The following PIR variants were observed in gnomAD, a reference collection of about 807,000 sequenced individuals.
The protein encoded by PIR is pirin.
In PIR, 22 loss-of-function variants were observed where a neutral mutation model predicts 24.2. The observed-to-expected ratio is 0.91, with a 90% CI of 0.65 to 1.30. The LOEUF is 1.30. Ranked by LOEUF, PIR falls within the 50% of genes most tolerant of loss-of-function variation. The pLI, the probability that PIR is intolerant of heterozygous loss-of-function variation, is 0.00. For missense variants in PIR, 220 were observed against 220.3 expected (o/e 1.00, Z 0.01); for synonymous variants, 80 against 79.6 (o/e 1.00, Z -0.03).
Position 15,398,243 on chromosome X carries a change from T to G in PIR, c.611-712A>C, listed in dbSNP as rs191794647. The stretch of plus-strand genomic sequence containing the variant: ...CACATGTACCCTAGAACTTAAAGTA[T>G]TAAAAAAAGACCCTGTTCTAAATGT... On this transcript the variant is annotated intron_variant, in intron 7 of 9. Transcript: ENST00000380420. 2.0e-3 allele frequency among the ~76,000 whole-genome samples: 222 copies of G among 111,676 alleles called. 1 individual carries two copies. Among genetic ancestry groups the G allele is most frequent in the Non-Finnish European group, 3.2e-3 (171 of 53,078 alleles).
intron 6 of PIR, among the ~76,000 whole-genome samples, chrX:15,408,515 C>A (rs1015902712): frequency 1.8e-5 from 2 of 111,492 alleles, no homozygotes; most frequent in African/African-American, 6.5e-5. Flanking sequence ...ACCCATGGGG[C>A]CAAGAAATCA....
chrX:15,403,937 C>T (rs1473866935), intron 7 of PIR, among the ~76,000 whole-genome samples: 4 of 110,506 alleles, frequency 3.6e-5, no homozygotes, highest in African/African-American at 1.3e-4. Context: ...CAATACTTAC[C>T]TTTACCTTTA....
chrX:15,486,657 G>A (rs1256937853), intron 2 of PIR, among the ~76,000 whole-genome samples: 1 of 111,501 alleles, frequency 9.0e-6, no homozygotes, highest in East Asian at 2.8e-4. Flanking sequence ...CACAAGATGA[G>A]TATCATTTTG....
At chrX:15,437,273 C>T (rs1925779095) in intron 5 of PIR, among the ~76,000 whole-genome samples, 1 of 111,717 alleles carries the variant, frequency 9.0e-6, no homozygotes, top group Non-Finnish European at 1.9e-5. Flanking sequence ...CCATTGCTGC[C>T]TGACATTCTG....
intron 3 of PIR, chrX:15,464,416 T>G: frequency 2.7e-6 from 2 of 753,859 alleles, no homozygotes; most frequent in Non-Finnish European, 3.1e-6. Flanking sequence ...CGCTAATCAG[T>G]GGATGAAAGT....
chrX:15,394,782 T>C (rs1924072439), intron 8 of PIR, among the ~76,000 whole-genome samples: 1 of 111,920 alleles, frequency 8.9e-6, no homozygotes, highest in Non-Finnish European at 1.9e-5. Context: ...CTGGAGTTGA[T>C]TCCAATCTCT....
rs182613545 is a variant in PIR at position 15,468,058 on chromosome X, T to C, written c.190-8318A>G. ...TTCATTTCCATTGTTTTAATTTCCA[T>C]GTTATACTGAAGGGGCCTGAAGGGA... is the stretch of plus-strand genomic sequence containing the variant. On this transcript the variant is annotated intron_variant, in intron 3 of 9. Coordinates refer to ENST00000380420, the MANE Select transcript of PIR (RefSeq NM_001018109.3). Among the ~76,000 whole-genome samples, 438 of 112,559 alleles carry C rather than the reference T, an allele frequency of 3.9e-3. 1 individual carries two copies. Among genetic ancestry groups the C allele is most frequent in the African/African-American group, 0.014 (423 of 30,999 alleles).
chrX:15,408,400 G>C (rs16979908), intron 6 of PIR, among the ~76,000 whole-genome samples: 8,336 of 111,156 alleles, frequency 0.075, 770 homozygotes, highest in African/African-American at 0.25. Context: ...GGATATAAAT[G>C]GGCTCCAGGA....
intron 6 of PIR, among the ~76,000 whole-genome samples, chrX:15,413,424 C>T (rs1474702022): frequency 9.0e-6 from 1 of 111,488 alleles, no homozygotes; most frequent in East Asian, 2.8e-4. Flanking sequence ...CATCAAGAAC[C>T]TCATGGCATT....
chrX:15,433,116 A>G (rs1037673342), intron 5 of PIR, among the ~76,000 whole-genome samples: 2 of 112,586 alleles, frequency 1.8e-5, no homozygotes, highest in African/African-American at 3.2e-5. Flanking sequence ...ATGAATCTAC[A>G]TAGAGCTCAA....
chrX:15,414,159 C>G (rs1351468654), intron 6 of PIR, among the ~76,000 whole-genome samples: 1 of 112,063 alleles, frequency 8.9e-6, no homozygotes, highest in Non-Finnish European at 1.9e-5. Flanking sequence ...AATAGTACTA[C>G]AAATGTATTA....
intron 1 of PIR, 34 bp from the exon 2 acceptor site, chrX:15,491,343 T>C (rs914248250): frequency 1.7e-6 from 1 of 574,542 alleles, no homozygotes; most frequent in African/African-American, 2.3e-5. Context: ...AAAGAAGTCA[T>C]AAAGGAGGGA....
chrX:15,481,829 A>T (rs1402286782), intron 2 of PIR, among the ~76,000 whole-genome samples: 6 of 111,817 alleles, frequency 5.4e-5, no homozygotes, highest in African/African-American at 1.6e-4. Context: ...ACACAAAAAA[A>T]TTGTCTTGCA....
chrX:15,459,655 A>G lies in PIR; in HGVS notation c.273+2T>C. 8.5e-7 allele frequency: 1 copy of G among 1,170,757 alleles called. No homozygotes were observed. Among genetic ancestry groups the G allele is most frequent in the Non-Finnish European group, 1.2e-6 (1 of 858,285 alleles). Reference sequence around the variant, plus strand: ...CCAGCAATTCCTTGTCCTTGGCCATACCTGCAAATCTCCTGGGTTCATTTT... The same window carrying G: ...CCAGCAATTCCTTGTCCTTGGCCATGCCTGCAAATCTCCTGGGTTCATTTT... On this transcript the variant is annotated splice_donor_variant, in intron 4 of 9. Transcript: ENST00000380420. LOFTEE classifies it high-confidence loss of function.
At chrX:15,448,047 T>G (rs779771653) in intron 5 of PIR, among the ~76,000 whole-genome samples, 41 of 111,954 alleles carry the variant, frequency 3.7e-4, no homozygotes, top group African/African-American at 1.2e-3. Context: ...ACGACTGAAA[T>G]GTACTTCTTA....
chrX:15,435,648 A>T (rs1925728410), intron 5 of PIR, among the ~76,000 whole-genome samples: 1 of 111,399 alleles, frequency 9.0e-6, no homozygotes, highest in African/African-American at 3.3e-5. Context: ...CACTCTCGTG[A>T]TCTGTTGGGC....
At position 15,407,533 on chromosome X, in the gene PIR, A is replaced by G; in HGVS notation, c.583T>C (p.Tyr195His). 1 of 1,203,913 alleles carries G rather than the reference A, an allele frequency of 8.3e-7. No individual in the cohort carries two copies. Among genetic ancestry groups the G allele is most frequent in the Non-Finnish European group, 1.1e-6 (1 of 887,942 alleles). Residue 195 changes from tyrosine to histidine, a missense_variant, in exon 7 of 10, where the codon TAC becomes CAC. Physicochemically the swap from Tyr to His is moderately conservative, Grantham distance 83. Coordinates refer to ENST00000380420, the MANE Select transcript of PIR (RefSeq NM_001018109.3). Reference sequence around the variant, plus strand: ...ATATACACATCTCCAGATATCGTGTAAATGAAGCTTGTCCACCCTGGAAAG... The same window carrying G: ...ATATACACATCTCCAGATATCGTGTGAATGAAGCTTGTCCACCCTGGAAAG... ...PIPKGWTSFI[Y>H]TISGDVYIGP... is the part of the protein sequence containing the mutation.
At chrX:15,390,608 G>A (rs1274508355) in intron 8 of PIR, among the ~76,000 whole-genome samples, 1 of 111,024 alleles carries the variant, frequency 9.0e-6, no homozygotes, top group African/African-American at 3.3e-5. Context: ...TTTTTAAAAG[G>A]GAAGATTAGT....
intron 3 of PIR, among the ~76,000 whole-genome samples, chrX:15,471,532 A>C (rs1325370762): frequency 1.8e-5 from 2 of 111,104 alleles, no homozygotes; most frequent in Non-Finnish European, 3.8e-5. Context: ...AGACCCTATA[A>C]TACTCCTCCA....
Sources: gnomAD v4.1 joint callset for allele counts (sites outside exome capture counted in the v4.1 genomes callset) on GRCh38, gnomAD v4.1.1 for gene constraint, MANE v1.5 for transcripts, NCBI Gene and HGNC (gene_info 2026-07-23, HGNC 2026-07-21) for gene names.